TASOR2: variants seen among roughly 807,000 people sequenced by gnomAD.
The protein encoded by TASOR2 is protein TASOR 2.
TASOR2 carries 84 observed loss-of-function variants against 199.5 expected under a neutral mutation model. The observed-to-expected ratio is 0.42, with a 90% confidence interval of 0.35 to 0.50. The LOEUF (loss-of-function observed/expected upper bound fraction) is 0.50, where lower values mean the gene tolerates loss of function less well. Among genes scored for constraint, TASOR2 ranks in the 20% least tolerant of loss-of-function variants. TASOR2 has a pLI of 0.02. For synonymous variants in TASOR2, 1,103 were observed against 1,046.6 expected (o/e 1.05, Z -1.04); for missense variants, 2,796 against 2,835.9 (o/e 0.99, Z 0.32).
At chr10:5,761,582 C>A in intron 19 of TASOR2, 111 bp downstream of exon 20, 1 of 893,818 alleles carries the variant, frequency 1.1e-6, no homozygotes, top group Non-Finnish European at 1.7e-6. Context: ...CTTGGCATCC[C>A]ATGGATACCA....
At chr10:5,717,634 T>C (rs2131562416) in intron 2 of TASOR2, 25 bp from the exon 4 acceptor site, 3 of 1,037,626 alleles carry the variant, frequency 2.9e-6, no homozygotes, top group Middle Eastern at 3.5e-4. Flanking sequence ...ATCTGCTGCT[T>C]AATCTATATT....
rs1365819710 is a variant in TASOR2 at position 5,748,113 on chromosome 10, A to G, written c.4692A>G (p.Leu1564=). ...GTATAGAGAATAGAAATTTGGACTTAAAACATCTTGTCTTGGAGTCCAGTG... is the reference window on the plus strand; with the variant it reads ...GTATAGAGAATAGAAATTTGGACTTGAAACATCTTGTCTTGGAGTCCAGTG... Residue 1564 remains leucine (L), a synonymous_variant, in exon 15 of 21, where the codon TTA becomes TTG. Transcript: ENST00000328090. This position sits in a 1 kb window ranked among gnomAD's most constrained non-coding sequence, Gnocchi z 5.1. The G allele has an allele frequency of 6.2e-7, 1 of 1,614,128 alleles. No homozygotes were observed. Among genetic ancestry groups the G allele is most frequent in the Non-Finnish European group, 8.5e-7 (1 of 1,180,046 alleles).
rs1409757474 is a variant in TASOR2, at chr10:5,740,795, A to G, written c.2327+298A>G. 6.6e-6 allele frequency among the ~76,000 whole-genome samples: 1 copy of G among 152,200 alleles called. No individual in the cohort carries two copies. Among genetic ancestry groups the G allele is most frequent in the Admixed American group, 6.5e-5 (1 of 15,280 alleles). On this transcript the variant is annotated intron_variant, in intron 13 of 20. Coordinates refer to ENST00000328090, the Ensembl canonical transcript of TASOR2. This position sits in a 1 kb window ranked among gnomAD's most constrained non-coding sequence, Gnocchi z 5.3. ...GTGGCTTTTGAATTTCAATTTTTAGATGAGATCTTAATGTAAAATAGTGTG... is the reference window on the plus strand; with the variant it reads ...GTGGCTTTTGAATTTCAATTTTTAGGTGAGATCTTAATGTAAAATAGTGTG...
chr10:5,714,151 A>G, intron 2 of TASOR2: 1 of 1,231,830 alleles, frequency 8.1e-7, no homozygotes, highest in East Asian at 3.2e-5. Flanking sequence ...TTGGTATGTC[A>G]GTGTGGACTC....
intron 18 of TASOR2, among the ~76,000 whole-genome samples, chr10:5,759,821 A>G (rs1303220070): frequency 6.6e-6 from 1 of 152,250 alleles, no homozygotes; most frequent in Non-Finnish European, 1.5e-5. Flanking sequence ...GAGAAGGAGC[A>G]CAGAGGTTTC....
chr10:5,763,196 T>C lies in TASOR2; in HGVS notation c.*164T>C, dbSNP rs573197875. 16 of 619,656 alleles carry C rather than the reference T, an allele frequency of 2.6e-5. No individual in the cohort carries two copies. The Admixed American group carries it at 2.8e-4, about 11-fold the overall frequency. The allele number at this position is 619,656 out of a possible 1,614,324, so 38.4% of individuals were successfully genotyped here. A position where few individuals can be genotyped will look rare whatever the true frequency, so the allele number is the denominator to read the frequency against. ...TCATTTTTTATATTTTGCTGAAATA[T>C]GTCACAGTGGCATTGCAGTTGTCTG... On this transcript the variant is annotated 3_prime_UTR_variant, in exon 21 of 21. Coordinates refer to ENST00000328090, the Ensembl canonical transcript of TASOR2.
chr10:5,736,997 G>A (rs1027008925), intron 12 of TASOR2, among the ~76,000 whole-genome samples: 2 of 152,104 alleles, frequency 1.3e-5, no homozygotes, highest in African/African-American at 4.8e-5. Context: ...ATCTCACTCT[G>A]TCACCAGGCT....
chr10:5,731,153 C>G, exon 11 of TASOR2: 1 of 1,610,086 alleles, frequency 6.2e-7, no homozygotes, highest in Non-Finnish European at 8.5e-7. Flanking sequence ...TCGGACTCTC[C>G]AACAACTCTT....
exon 12 of TASOR2, chr10:5,735,523 G>A: frequency 1.2e-6 from 2 of 1,613,656 alleles, no homozygotes; most frequent in Non-Finnish European, 1.7e-6. Context: ...GAGAACCCCA[G>A]AAACAGAAAG....
intron 1 of TASOR2, among the ~76,000 whole-genome samples, chr10:5,705,062 G>A (rs752572885): frequency 6.6e-6 from 1 of 152,112 alleles, no homozygotes; most frequent in Non-Finnish European, 1.5e-5. Flanking sequence ...GTGAATTTTG[G>A]TAAATGTATA....
intron 1 of TASOR2, among the ~76,000 whole-genome samples, chr10:5,711,106 T>A (rs1358809751): frequency 6.6e-6 from 1 of 152,134 alleles, no homozygotes. Flanking sequence ...ATATAAATCA[T>A]GTATATCAAC....
exon 15 of TASOR2, chr10:5,749,584 A>C (rs1485145238): frequency 1.2e-6 from 2 of 1,614,022 alleles, no homozygotes; most frequent in Non-Finnish European, 1.7e-6. Flanking sequence ...GGGGCAGCCC[A>C]GGAGAGGCTA....
In TASOR2 at chr10:5,740,963, G is replaced by C. The variant is rs1033816022; in HGVS notation, c.2327+466G>C. Among the ~76,000 whole-genome samples the C allele has an allele frequency of 2.0e-5, 3 of 152,220 alleles. No homozygotes were observed. Among genetic ancestry groups the C allele is most frequent in the South Asian group, 4.1e-4 (2 of 4,828 alleles). ...TAGATCTCCCTTAAGAAGGAATCAA[G>C]TCAGTAATAACAGAGTGGTGAACAG... On this transcript the variant is annotated intron_variant, in intron 13 of 20. Coordinates refer to ENST00000328090, the Ensembl canonical transcript of TASOR2. This position sits in a 1 kb window ranked among gnomAD's most constrained non-coding sequence, Gnocchi z 5.3.
At chr10:5,716,100 G>A (rs148038448) in intron 2 of TASOR2, among the ~76,000 whole-genome samples, 48 of 152,310 alleles carry the variant, frequency 3.2e-4, no homozygotes, top group African/African-American at 1.1e-3. Flanking sequence ...TTATAAAATA[G>A]TGGTGTGTGT....
chr10:5,747,026 C>G, exon 15 of TASOR2: 1 of 1,614,140 alleles, frequency 6.2e-7, no homozygotes, highest in Non-Finnish European at 8.5e-7. Context: ...CTAGAACTGA[C>G]ACAGGTTGAA....
chr10:5,727,002 C>T, intron 9 of TASOR2, 45 bp downstream of exon 10: 2 of 1,613,170 alleles, frequency 1.2e-6, no homozygotes, highest in African/African-American at 1.3e-5. Flanking sequence ...ATTATGTTTA[C>T]TTTTGCTTTA....
chr10:5,726,201 T>A (rs1352793305), intron 8 of TASOR2, among the ~76,000 whole-genome samples: 1 of 152,218 alleles, frequency 6.6e-6, no homozygotes, highest in Non-Finnish European at 1.5e-5. Context: ...AATTCATGAT[T>A]TAGAACAACA....
exon 13 of TASOR2, chr10:5,739,870 A>T (rs978673541): frequency 1.9e-6 from 3 of 1,614,184 alleles, no homozygotes; most frequent in Admixed American, 3.3e-5. Flanking sequence ...CCACAAAATG[A>T]TGTTTTGCTC....
At chr10:5,762,640 G>T (rs749561776) in exon 20 of TASOR2, 1 of 1,375,128 alleles carries the variant, frequency 7.3e-7, no homozygotes, top group African/African-American at 1.5e-5. Flanking sequence ...TTTAGGAGTA[G>T]CTATTGGTAA....
Sources: allele counts gnomAD v4.1 joint callset (sites outside exome capture counted in the v4.1 genomes callset), GRCh38; gene constraint gnomAD v4.1.1; non-coding constraint Gnocchi (gnomAD v3.1); transcripts MANE v1.5; gene names NCBI Gene and HGNC (gene_info 2026-07-23, HGNC 2026-07-21).